Variants in TRIM33 observed in about 807,000 individuals in gnomAD.
TRIM33 encodes the protein E3 ubiquitin-protein ligase TRIM33.
A neutral mutation model predicts 125.4 loss-of-function variants in TRIM33; 20 were observed. The observed-to-expected ratio is 0.16, with a 90% CI of 0.11 to 0.23. The LOEUF is 0.23. Ranked by LOEUF, TRIM33 falls within the 10% of genes least tolerant of loss-of-function variation. The pLI, the probability that TRIM33 is intolerant of heterozygous loss-of-function variation, is 1.00. For missense variants in TRIM33, 920 were observed against 1,411.4 expected (o/e 0.65, Z 5.58); for synonymous variants, 564 against 513.9 (o/e 1.10, Z -1.32).
At chr1:114,479,155 C>G (rs1651148747) in intron 1 of TRIM33, among the ~76,000 whole-genome samples, 1 of 152,062 alleles carries the variant, frequency 6.6e-6, no homozygotes, top group Non-Finnish European at 1.5e-5. Flanking sequence ...GAGAAAAGAA[C>G]AGATCCTCAG....
intron 18 of TRIM33, 86 bp from the exon 19 acceptor site, chr1:114,398,076 A>C: frequency 7.0e-7 from 1 of 1,422,500 alleles, no homozygotes; most frequent in Non-Finnish European, 9.6e-7. Context: ...TGGCGACGAA[A>C]AGTCAGCCAT....
At chr1:114,407,989 C>T (rs112479986) in intron 13 of TRIM33, among the ~76,000 whole-genome samples, 2,336 of 152,246 alleles carry the variant, frequency 0.015, 48 homozygotes, top group African/African-American at 0.048. Flanking sequence ...TGATTATTAA[C>T]GGTTGCCATC....
chr1:114,427,262 T>C lies in TRIM33; in HGVS notation c.1335A>G (p.Ala445=). Reference sequence around the variant, plus strand: ...TAGCAGCAGGGACAGGATCACACCGTGCTTTCAAAATATGACGCAACTGGA... The same window carrying C: ...TAGCAGCAGGGACAGGATCACACCGCGCTTTCAAAATATGACGCAACTGGA... ...ITFQLRHILK[A]RCDPVPAANG... The change falls in exon 8 of 20, where the codon GCA becomes GCG. Residue 445 remains alanine, a synonymous_variant. Transcript: ENST00000358465. 6.3e-7 allele frequency: 1 copy of C among 1,597,254 alleles called. No homozygotes were observed. The highest frequency in any genetic ancestry group is 8.5e-7 in the Non-Finnish European group (1 of 1,169,726).
rs181173788 is a variant in TRIM33 at position 114,405,862 on chromosome 1, G to A, written c.2419-103C>T. On this transcript the variant is annotated intron_variant, in intron 14 of 19. Transcript: ENST00000358465. ...TGAATATGCATATAGATATACTGAC[G>A]TAACAAATTTATTTTATAGATCACA... is the stretch of plus-strand genomic sequence containing the variant. 70 of 1,005,616 alleles carry A rather than the reference G, an allele frequency of 7.0e-5. No homozygotes were observed. The African/African-American group carries it at 7.5e-4, about 11-fold the overall frequency. The allele number at this position is 1,005,616 out of a possible 1,614,324, so 62.3% of individuals were successfully genotyped here. A position where few individuals can be genotyped will look rare whatever the true frequency, so the allele number is the denominator to read the frequency against.
chr1:114,471,443 C>CA (rs34336957), intron 1 of TRIM33, among the ~76,000 whole-genome samples: 19,463 of 99,850 alleles, frequency 0.19, 1,663 homozygotes, highest in Middle Eastern at 0.27. Context: ...GATTCTGTCT[C>CA]AAAAAAAAAA....
intron 6 of TRIM33, among the ~76,000 whole-genome samples, chr1:114,429,453 A>C (rs1347507817): frequency 6.6e-6 from 1 of 151,932 alleles, no homozygotes; most frequent in African/African-American, 2.4e-5. Context: ...AGCCTCCCAA[A>C]GTGCTGGGAT....
At chr1:114,503,349 C>T (rs765792571) in intron 1 of TRIM33, among the ~76,000 whole-genome samples, 2 of 152,032 alleles carry the variant, frequency 1.3e-5, no homozygotes, top group Admixed American at 1.3e-4. Context: ...GGCATGGTAG[C>T]GTGTGCCTGT....
At chr1:114,410,130 C>T (rs1337954032) in intron 12 of TRIM33, 54 bp downstream of exon 12, 15 of 1,601,040 alleles carry the variant, frequency 9.4e-6, no homozygotes, top group Non-Finnish European at 8.6e-7. Context: ...AAGACAGATA[C>T]TGACACTGTT....
In TRIM33 at chr1:114,501,135, A is replaced by G. The variant is rs1327949796; in HGVS notation, c.526+9416T>C. Among the ~76,000 whole-genome samples, 2 of 126,142 alleles carry G rather than the reference A, an allele frequency of 1.6e-5. 1 individual carries two copies. Among genetic ancestry groups the G allele is most frequent in the African/African-American group, 6.5e-5 (2 of 30,686 alleles). The allele number at this position is 126,142 out of a possible 152,430, so 82.8% of individuals were successfully genotyped here. A position where few individuals can be genotyped will look rare whatever the true frequency, so the allele number is the denominator to read the frequency against. ...AACCCGGGAGGCGGAGCTTGCAGTG[A>G]GCCGAGATCCCGCCACTGCACTCCA... is the stretch of plus-strand genomic sequence containing the variant. On this transcript the variant is annotated intron_variant, in intron 1 of 19. Transcript: ENST00000358465.
At chr1:114,433,849 C>CCTG in intron 4 of TRIM33, 116 bp from the exon 5 acceptor site, 1 of 626,384 alleles carries the variant, frequency 1.6e-6, no homozygotes, top group Admixed American at 2.9e-5. Context: ...CAACTCTATG[C>CCTG]TGGCCACTCA....
At chr1:114,402,585 T>C (rs1449775076) in intron 16 of TRIM33, among the ~76,000 whole-genome samples, 175 bp downstream of exon 16, 1 of 152,066 alleles carries the variant, frequency 6.6e-6, no homozygotes, top group African/African-American at 2.4e-5. Flanking sequence ...GAAGGGTCTG[T>C]AGTTCAGGGT....
At chr1:114,420,417 T>G (rs1408504299) in intron 11 of TRIM33, 2 of 1,335,684 alleles carry the variant, frequency 1.5e-6, no homozygotes, top group East Asian at 8.3e-5. Context: ...GGCTCCAAAC[T>G]CATACCAGGA....
chr1:114,408,298 C>T (rs1342509868), intron 13 of TRIM33, among the ~76,000 whole-genome samples: 1 of 152,064 alleles, frequency 6.6e-6, no homozygotes, highest in African/African-American at 2.4e-5. Context: ...AAGAAATCAT[C>T]TGGTTTTTTT....
rs1651499461 is a variant in TRIM33 at position 114,395,583 on chromosome 1, T to A, written c.*2065A>T. 5.0e-6 allele frequency: 1 copy of A among 198,990 alleles called. No homozygotes were observed. The highest frequency in any genetic ancestry group is 6.0e-5 in the Admixed American group (1 of 16,556). The allele number at this position is 198,990 out of a possible 1,614,324, so 12.3% of individuals were successfully genotyped here. A position where few individuals can be genotyped will look rare whatever the true frequency, so the allele number is the denominator to read the frequency against. ...CTTTCCAAAAATGTGCCCTTAGATA[T>A]ATGTCTACTTACAAACTGAAATCAT... On this transcript the variant is annotated 3_prime_UTR_variant, in exon 20 of 20. Transcript: ENST00000358465.
rs1199220928 is a variant in TRIM33, at chr1:114,405,577, G to T, written c.2601C>A (p.Leu867=). 5.6e-6 allele frequency: 9 copies of T among 1,614,074 alleles called. No individual in the cohort carries two copies. In the Admixed American group the frequency reaches 1.5e-4, roughly 27 times the overall value. ...CTCCAATCCTTGCCGACCTGTGCAT[G>T]AGGCTTCGAATTGGGGACTTTCCAT... is the stretch of plus-strand genomic sequence containing the variant. ...LVNGKSPIRS[L]MHRSARIGGD... is the part of the protein sequence containing the mutation. Residue 867 remains leucine (L), a synonymous_variant, in exon 15 of 20, where the codon CTC becomes CTA. Coordinates refer to ENST00000358465, the MANE Select transcript of TRIM33 (RefSeq NM_015906.4).
chr1:114,453,694 TCA>T (rs1041210047), intron 4 of TRIM33, among the ~76,000 whole-genome samples: 15 of 152,166 alleles, frequency 9.9e-5, no homozygotes, highest in African/African-American at 3.6e-4. Context: ...GAGCTCTGGG[TCA>T]CACAGTCTCA....
At chr1:114,413,661 T>TAAAAAAA in intron 11 of TRIM33, among the ~76,000 whole-genome samples, 1 of 126,824 alleles carries the variant, frequency 7.9e-6, no homozygotes, top group Non-Finnish European at 1.7e-5. Context: ...AAGGTAAAAC[T>TAAAAAAA]TGCAACACAG....
At chr1:114,423,253 T>C (rs1647321495) in intron 10 of TRIM33, among the ~76,000 whole-genome samples, 1 of 152,144 alleles carries the variant, frequency 6.6e-6, no homozygotes, top group Admixed American at 6.5e-5. Context: ...TTTAACAATT[T>C]ATTATAAAAA....
rs540441738 is a variant in TRIM33, at chr1:114,463,188, T to C, written c.839A>G (p.Lys280Arg). The change falls in exon 4 of 20, where the codon AAA (lysine) becomes AGA (arginine). Residue 280 changes from lysine (K) to arginine (R), a missense_variant. Lys to Arg is a conservative substitution (Grantham distance 26). Coordinates refer to ENST00000358465, the MANE Select transcript of TRIM33 (RefSeq NM_015906.4). ...ACAGAAAAGTTTCAACTGTTCTTGT[T>C]TGTGTACAGGGCAGAAAACAGGGCG... ...GQRPVFCPVH[K>R]QEQLKLFCET... 5.6e-6 allele frequency: 9 copies of C among 1,613,466 alleles called. No individual in the cohort carries two copies. In the South Asian group the frequency reaches 8.8e-5, roughly 16 times the overall value.
Sources: gnomAD v4.1 joint callset for allele counts (sites outside exome capture counted in the v4.1 genomes callset) on GRCh38, gnomAD v4.1.1 for gene constraint, MANE v1.5 for transcripts, NCBI Gene and HGNC (gene_info 2026-07-23, HGNC 2026-07-21) for gene names.